Variants in SENP7 observed in about 807,000 individuals in gnomAD.
The protein encoded by SENP7 is sentrin-specific protease 7.
In SENP7, 64 loss-of-function variants were observed where a neutral mutation model predicts 141.2. The observed-to-expected ratio is 0.45, with a 90% CI of 0.37 to 0.56. The LOEUF (loss-of-function observed/expected upper bound fraction) is 0.56, where lower values mean the gene tolerates loss of function less well. SENP7 is among the 20% of genes least tolerant of loss of function. The probability of loss-of-function intolerance (pLI) is 0.00; values close to 1 mark genes in which losing one functional copy is unlikely to be tolerated. For missense variants in SENP7, 1,025 were observed against 1,212.2 expected (o/e 0.85, Z 2.29); for synonymous variants, 382 against 426.4 (o/e 0.90, Z 1.28).
rs200412579 is a variant in SENP7, at chr3:101,417,697, A to C, written c.378T>G (p.Asp126Glu). 1.5e-4 allele frequency: 238 copies of C among 1,613,862 alleles called. No homozygotes were observed. Among genetic ancestry groups the C allele is most frequent in the Non-Finnish European group, 1.9e-4 (221 of 1,179,844 alleles). Residue 126 changes from aspartate (D) to glutamate (E), a missense_variant, in exon 5 of 24, where the codon GAT becomes GAG. Physicochemically the swap from Asp to Glu is conservative, Grantham distance 45 (BLOSUM62 2). This residue lies in a region of SENP7 where 496 missense variants were observed against 503.5 expected (regional missense o/e 0.99). Coordinates refer to ENST00000394095, the MANE Select transcript of SENP7 (RefSeq NM_020654.5). The stretch of plus-strand genomic sequence containing the variant: ...ATGAGTCTGATTGCACCTTGTTGGC[A>C]TCACATAAATTAGCATCGTTTCTAG... ...TLPRNDANLC[D>E]ANKVQSDSLP... is the part of the protein sequence containing the mutation.
intron 4 of SENP7, among the ~76,000 whole-genome samples, chr3:101,441,612 T>C (rs988511319): frequency 2.0e-5 from 3 of 152,056 alleles, no homozygotes; most frequent in African/African-American, 7.2e-5. Context: ...AACCCACCCA[T>C]TGTTTCCTGT....
Position 101,347,952 on chromosome 3 carries a change from G to A in SENP7, c.1757C>T (p.Ala586Val). The A allele has an allele frequency of 1.2e-6, 2 of 1,609,346 alleles. No homozygotes were observed. The highest frequency in any genetic ancestry group is 1.7e-6 in the Non-Finnish European group (2 of 1,176,488). The change falls in exon 13 of 24, where the codon GCT (alanine) becomes GTT (valine). Residue 586 changes from alanine (A) to valine (V), a missense_variant. Physicochemically the swap from Ala to Val is moderately conservative, Grantham distance 64. Coordinates refer to ENST00000394095, the MANE Select transcript of SENP7 (RefSeq NM_020654.5). Reference protein sequence around the residue: ...KDDNHSKRSHAILFFWVSSDY... With the variant: ...KDDNHSKRSHVILFFWVSSDY... ...TGAAGAGACCCAGAAGAAAAGAATA[G>A]CATGACTCCTTTTACTGTGATTATC...
At chr3:101,374,347 A>C (rs987227554) in intron 6 of SENP7, among the ~76,000 whole-genome samples, 3 of 152,232 alleles carry the variant, frequency 2.0e-5, no homozygotes, top group African/African-American at 7.2e-5. Context: ...AAAACTATAA[A>C]ACTCTTAGAA....
chr3:101,460,963 TA>T (rs201797088), intron 3 of SENP7, among the ~76,000 whole-genome samples: 17 of 145,624 alleles, frequency 1.2e-4, no homozygotes, highest in Non-Finnish European at 1.5e-4. Flanking sequence ...ATTCAAAATT[TA>T]AAAAAAAAAA....
intron 6 of SENP7, among the ~76,000 whole-genome samples, chr3:101,385,224 T>C (rs546014489): frequency 6.6e-6 from 1 of 151,940 alleles, no homozygotes; most frequent in East Asian, 1.9e-4. Context: ...ACAAAAAAAA[T>C]ACCTTGAATG....
chr3:101,412,235 T>C (rs1307727151), intron 5 of SENP7, among the ~76,000 whole-genome samples: 2 of 152,130 alleles, frequency 1.3e-5, no homozygotes, highest in Admixed American at 6.5e-5. Context: ...TTTGCTGCAA[T>C]GAATTCCTTT....
At chr3:101,482,715 A>T (rs2064548290) in intron 3 of SENP7, among the ~76,000 whole-genome samples, 1 of 151,874 alleles carries the variant, frequency 6.6e-6, no homozygotes, top group Non-Finnish European at 1.5e-5. Context: ...ATATTTTTTT[A>T]TTTTTTCTTA....
At chr3:101,393,049 G>C (rs1274685641) in intron 6 of SENP7, among the ~76,000 whole-genome samples, 1 of 152,030 alleles carries the variant, frequency 6.6e-6, no homozygotes, top group African/African-American at 2.4e-5. Context: ...CCCATATTTA[G>C]AGCCAATTGA....
At chr3:101,422,042 G>A (rs2061805235) in intron 4 of SENP7, among the ~76,000 whole-genome samples, 1 of 152,294 alleles carries the variant, frequency 6.6e-6, no homozygotes, top group South Asian at 2.1e-4. Context: ...CACACAGCAG[G>A]AGGTGAACGG....
intron 4 of SENP7, among the ~76,000 whole-genome samples, chr3:101,437,838 G>A (rs1481859135): frequency 1.3e-5 from 2 of 151,824 alleles, no homozygotes; most frequent in Non-Finnish European, 2.9e-5. Context: ...TACATAAAAA[G>A]ATGCTTAGTA....
intron 17 of SENP7, among the ~76,000 whole-genome samples, chr3:101,335,415 T>C (rs2059158522): frequency 6.6e-6 from 1 of 152,152 alleles, no homozygotes; most frequent in Non-Finnish European, 1.5e-5. Flanking sequence ...TTTGTAGGGA[T>C]TCTTTGTGTA....
chr3:101,333,512 A>G (rs1009650510), intron 17 of SENP7, among the ~76,000 whole-genome samples: 1 of 152,186 alleles, frequency 6.6e-6, no homozygotes, highest in African/African-American at 2.4e-5. Flanking sequence ...TAACAAGGGA[A>G]GACCCTATCT....
chr3:101,471,301 G>A (rs1159137789), intron 3 of SENP7, among the ~76,000 whole-genome samples: 1 of 152,128 alleles, frequency 6.6e-6, no homozygotes, highest in African/African-American at 2.4e-5. Flanking sequence ...TACCAAAACA[G>A]AGATATAGAC....
intron 12 of SENP7, 67 bp from the exon 13 acceptor site, chr3:101,348,118 T>C (rs2059518328): frequency 2.7e-6 from 3 of 1,097,282 alleles, no homozygotes; most frequent in African/African-American, 3.2e-5. Flanking sequence ...TTAAACATTA[T>C]ATGACACTTG....
chr3:101,364,108 G>T (rs2059972239), intron 10 of SENP7, among the ~76,000 whole-genome samples: 1 of 152,030 alleles, frequency 6.6e-6, no homozygotes, highest in South Asian at 2.1e-4. Context: ...TGAGCCTATG[G>T]TGCCAGCTAC....
intron 6 of SENP7, among the ~76,000 whole-genome samples, chr3:101,381,474 A>T (rs561414167): frequency 2.6e-5 from 4 of 152,248 alleles, no homozygotes; most frequent in Admixed American, 2.6e-4. Context: ...GCATATCAAA[A>T]TATTATCAAT....
chr3:101,427,490 C>CAAAA (rs55677738), intron 4 of SENP7, among the ~76,000 whole-genome samples: 7,871 of 100,526 alleles, frequency 0.078, 471 homozygotes, highest in East Asian at 0.23. Context: ...ACACTGTCTC[C>CAAAA]AAAAAAAAAA....
chr3:101,339,669 G>A (rs1452560156), intron 16 of SENP7, among the ~76,000 whole-genome samples: 1 of 151,884 alleles, frequency 6.6e-6, no homozygotes, highest in African/African-American at 2.4e-5. Flanking sequence ...AGTGAGCCGA[G>A]ATTGTGCCAC....
At chr3:101,338,676 A>C (rs1003259322) in intron 16 of SENP7, among the ~76,000 whole-genome samples, 3 of 152,216 alleles carry the variant, frequency 2.0e-5, no homozygotes, top group African/African-American at 7.2e-5. Flanking sequence ...TGAGGAAAGT[A>C]CCCAGGGATA....
Sources: allele counts gnomAD v4.1 joint callset (sites outside exome capture counted in the v4.1 genomes callset), GRCh38; gene constraint gnomAD v4.1.1; regional missense constraint gnomAD v4.1.1; transcripts MANE v1.5; gene names NCBI Gene and HGNC (gene_info 2026-07-23, HGNC 2026-07-21).